The following GIGYF1 variants were observed in gnomAD, a reference collection of about 807,000 sequenced individuals.
The protein encoded by GIGYF1 is GRB10 interacting GYF protein 1.
A neutral mutation model predicts 147.1 loss-of-function variants in GIGYF1; 84 were observed. The ratio of observed to expected loss-of-function variants is 0.57; its 90% CI spans 0.48 to 0.68. The LOEUF is 0.68. GIGYF1 is among the 30% of genes least tolerant of loss of function. The pLI is 0.00. For missense variants in GIGYF1, 1,485 were observed against 1,393.7 expected, an observed-to-expected ratio of 1.07 and a Z score of -1.04; for synonymous variants, 752 against 589.5, an observed-to-expected ratio of 1.28 and a Z score of -3.99.
At chr7:100,686,514 C>T in intron 10 of GIGYF1, 81 bp from the exon 11 acceptor site, 1 of 1,522,062 alleles carries the variant, frequency 6.6e-7, no homozygotes, top group Non-Finnish European at 8.8e-7. Flanking sequence ...TCACGGAGCA[C>T]CTCCAGGGCT....
rs763839483 is a variant in GIGYF1, at chr7:100,683,105, C to T, written c.2319G>A (p.Thr773=). ...CGCCCTCCAGCTGCAACTCCAGGAG[C>T]GTCTTCATGGACAGCCCCTGCTTGG... is the stretch of plus-strand genomic sequence containing the variant. ...GLAKQGLSMK[T]LLELQLEGER... The change falls in exon 22 of 27, where the codon ACG becomes ACA. Residue 773 remains threonine (T), a synonymous_variant. Coordinates refer to ENST00000678049, the MANE Select transcript of GIGYF1 (RefSeq NM_001375765.1). 24 of 1,591,850 alleles carry T rather than the reference C, an allele frequency of 1.5e-5. No homozygotes were observed. The highest frequency in any genetic ancestry group is 2.3e-5 in the East Asian group (1 of 44,376).
chr7:100,685,291 C>G (rs1805211051), intron 13 of GIGYF1, 53 bp downstream of exon 13: 5 of 1,543,882 alleles, frequency 3.2e-6, no homozygotes, highest in African/African-American at 2.8e-5. Flanking sequence ...GTGGGGAGCA[C>G]TTTCTCCCAC....
chr7:100,684,904 CAGAAAA>C lies in GIGYF1; in HGVS notation c.1291-16_1291-11del. 6.2e-7 allele frequency: 1 copy of C among 1,605,254 alleles called. No individual in the cohort carries two copies. Among genetic ancestry groups the C allele is most frequent in the Non-Finnish European group, 8.5e-7 (1 of 1,175,508 alleles). ...CCAGCTTCTCCGCCTCCTGGATGCC[CAGAAAA>C]AGAAGAAAGGCTCAGCTGCCAATCT... On this transcript the variant is annotated splice_polypyrimidine_tract_variant and intron_variant, in intron 14 of 26. Transcript: ENST00000678049.
At position 100,687,626 on chromosome 7, in the gene GIGYF1, G is replaced by A. The variant is rs775889658; in HGVS notation, c.262-10C>T. 9 of 1,603,738 alleles carry A rather than the reference G, an allele frequency of 5.6e-6. No homozygotes were observed. The highest frequency in any genetic ancestry group is 2.2e-5 in the East Asian group (1 of 44,682). On this transcript the variant is annotated splice_polypyrimidine_tract_variant and intron_variant, in intron 6 of 26. Coordinates refer to ENST00000678049, the MANE Select transcript of GIGYF1 (RefSeq NM_001375765.1). ...ACAGGGAGAAGTTTCTCTGAGGAGG[G>A]AGCCAGGGGCGGGAGTGAGGACCCA...
In GIGYF1 at chr7:100,694,120, G is replaced by T. The variant is rs1160347027; in HGVS notation, c.-1109C>A. ...CCACTGGGCGCTTACCGCGGGCGGC[G>T]CGAGGGTCCGGTCCCGGGGCGTGGG... On this transcript the variant is annotated 5_prime_UTR_variant, in exon 1 of 27. Transcript: ENST00000678049. The T allele has an allele frequency of 2.7e-5, 4 of 146,280 alleles. No homozygotes were observed. The highest frequency in any genetic ancestry group is 9.9e-5 in the African/African-American group (4 of 40,608). The allele number at this position is 146,280 out of a possible 1,614,324, so 9.1% of individuals were successfully genotyped here.
Position 100,681,357 on chromosome 7 carries a change from T to TAAA in GIGYF1, c.*359_*361dup, listed in dbSNP as rs368356220. 2.0e-3 allele frequency: 277 copies of TAAA among 138,262 alleles called. No homozygotes were observed. The highest frequency in any genetic ancestry group is 4.6e-3 in the East Asian group (22 of 4,786). The allele number at this position is 138,262 out of a possible 1,614,324, so 8.6% of individuals were successfully genotyped here. A position where few individuals can be genotyped will look rare whatever the true frequency, so the allele number is the denominator to read the frequency against. ...TTTTTCATTTTTCATCTTTTTTTCT[T>TAAA]AAAAAAAAAAAAAAAACCAAAAAAC... On this transcript the variant is annotated 3_prime_UTR_variant, in exon 27 of 27. Transcript: ENST00000678049.
rs1805195655 is a variant in GIGYF1, at chr7:100,685,158, G to T, written c.1193-12C>A. ...CCCCCGAATATCATCTGGAAGGCAT[G>T]AGATAGGAGGTGGAAAGAAGGGCGG... On this transcript the variant is annotated splice_polypyrimidine_tract_variant and intron_variant, in intron 13 of 26. Coordinates refer to ENST00000678049, the MANE Select transcript of GIGYF1 (RefSeq NM_001375765.1). The T allele has an allele frequency of 1.3e-6, 2 of 1,570,350 alleles. No individual in the cohort carries two copies. The highest frequency in any genetic ancestry group is 1.4e-5 in the African/African-American group (1 of 73,922).
In GIGYF1 at chr7:100,683,312, G is replaced by A. The variant is rs1804976376; in HGVS notation, c.2185C>T (p.Arg729Cys). 1.9e-6 allele frequency: 3 copies of A among 1,613,826 alleles called. No homozygotes were observed. Among genetic ancestry groups the A allele is most frequent in the Non-Finnish European group, 2.5e-6 (3 of 1,180,024 alleles). The change falls in exon 21 of 27, where the codon CGC (arginine) becomes TGC (cysteine). Residue 729 changes from arginine (R) to cysteine (C), a missense_variant. By Grantham distance (180) the Arg-to-Cys change is radical. Coordinates refer to ENST00000678049, the MANE Select transcript of GIGYF1 (RefSeq NM_001375765.1). ...RRQEEEELFR[R>C]KHVRQQELLL... is the part of the protein sequence containing the mutation. ...GGCTTGGGAGCACCCACGTGCTTGC[G>A]CCGAAACAGCTCTTCCTCCTCCTGC...
rs1482997288 is a variant in GIGYF1, at chr7:100,680,234, G to A, written c.*1485C>T. 1 of 152,230 alleles carries A rather than the reference G, an allele frequency of 6.6e-6. No homozygotes were observed. The highest frequency in any genetic ancestry group is 1.5e-5 in the Non-Finnish European group (1 of 68,026). 9.4% of individuals were successfully genotyped at this position (152,230 alleles called of 1,614,324 possible). ...AACACCATCTTTCTGGGACTAGATG[G>A]GGAAAGAAACGGGCCACTCCCCATG... On this transcript the variant is annotated 3_prime_UTR_variant, in exon 27 of 27. Coordinates refer to ENST00000678049, the MANE Select transcript of GIGYF1 (RefSeq NM_001375765.1).
intron 2 of GIGYF1, 38 bp downstream of exon 2, chr7:100,688,554 G>T (rs905317717): frequency 1.0e-5 from 6 of 599,768 alleles, no homozygotes; most frequent in African/African-American, 7.3e-5. Flanking sequence ...GAGTCCTTTC[G>T]GCCTCAGCAG....
chr7:100,693,160 C>G (rs935452494), intron 1 of GIGYF1, among the ~76,000 whole-genome samples: 1 of 152,140 alleles, frequency 6.6e-6, no homozygotes, highest in African/African-American at 2.4e-5. Context: ...ATCCAGCTAA[C>G]AAGTCTTTAT....
rs112471086 is a variant in GIGYF1, at chr7:100,681,989, G to A, written c.2930C>T (p.Ala977Val). 1.2e-6 allele frequency: 2 copies of A among 1,609,136 alleles called. No individual in the cohort carries two copies. The highest frequency in any genetic ancestry group is 1.3e-5 in the African/African-American group (1 of 75,072). ...ASQQRQQQQE[A>V]WLSSASLQTA... is the part of the protein sequence containing the mutation. ...CTGCAGCGAGGCGCTGCTCAGCCAT[G>A]CCTCCTAAGGCAGCGGAGAGGAGGG... The change falls in exon 26 of 27, where the codon GCA (alanine) becomes GTA (valine). Residue 977 changes from alanine to valine, a missense_variant. Transcript: ENST00000678049.
rs768930931 is a variant in GIGYF1, at chr7:100,682,737, A to G, written c.2453T>C (p.Val818Ala). 6 of 1,556,212 alleles carry G rather than the reference A, an allele frequency of 3.9e-6. No individual in the cohort carries two copies. The highest frequency in any genetic ancestry group is 4.3e-6 in the Non-Finnish European group (5 of 1,152,648). The change falls in exon 23 of 27, where the codon GTG (valine) becomes GCG (alanine). Residue 818 changes from valine (V) to alanine (A), a missense_variant. Transcript: ENST00000678049. ...GCCCCACAGTGGCCCAGCCTCAGACACCCACTGGTTCAGGGGGGCAGTGCC... is the reference window on the plus strand; with the variant it reads ...GCCCCACAGTGGCCCAGCCTCAGACGCCCACTGGTTCAGGGGGGCAGTGCC... ...GLGTAPLNQW[V>A]SEAGPLWGGP...
At chr7:100,681,819 T>C (rs746754087) in intron 26 of GIGYF1, 45 bp downstream of exon 26, 10 of 1,606,162 alleles carry the variant, frequency 6.2e-6, no homozygotes, top group Non-Finnish European at 8.5e-6. Flanking sequence ...GGGCTCCTCC[T>C]GCCCTGTGCC....
chr7:100,689,842 A>G (rs1180899588), intron 1 of GIGYF1, among the ~76,000 whole-genome samples: 1 of 152,204 alleles, frequency 6.6e-6, no homozygotes, highest in East Asian at 1.9e-4. Flanking sequence ...GGACTGGATG[A>G]GCCTTGAGGA....
chr7:100,683,135 G>A lies in GIGYF1; in HGVS notation c.2289C>T (p.Gly763=), dbSNP rs541882700. The part of the protein sequence containing the change: ...APSSPPPLWA[G]LAKQGLSMKT... ...TCATGGACAGCCCCTGCTTGGCCAGGCCAGCCCAGAGTGGGGGCGGGGAGC... is the reference window on the plus strand; with the variant it reads ...TCATGGACAGCCCCTGCTTGGCCAGACCAGCCCAGAGTGGGGGCGGGGAGC... The change falls in exon 22 of 27, where the codon GGC becomes GGT. Residue 763 remains glycine (G), a synonymous_variant. Transcript: ENST00000678049. 254 of 1,596,200 alleles carry A rather than the reference G, an allele frequency of 1.6e-4. 3 individuals carry two copies. The South Asian group carries it at 2.5e-3, about 16-fold the overall frequency.
Position 100,683,087 on chromosome 7 carries a change from C to T in GIGYF1, c.2337G>A (p.Leu779=). 1 of 1,586,970 alleles carries T rather than the reference C, an allele frequency of 6.3e-7. No homozygotes were observed. The highest frequency in any genetic ancestry group is 8.5e-7 in the Non-Finnish European group (1 of 1,172,336). ...LSMKTLLELQ[L]EGERQLHKQP... is the part of the protein sequence containing the mutation. Reference sequence around the variant, plus strand: ...GTTTGTGCAGCTGCCGCTCGCCCTCCAGCTGCAACTCCAGGAGCGTCTTCA... The same window carrying T: ...GTTTGTGCAGCTGCCGCTCGCCCTCTAGCTGCAACTCCAGGAGCGTCTTCA... The change falls in exon 22 of 27, where the codon CTG becomes CTA. Residue 779 remains leucine, a synonymous_variant. Coordinates refer to ENST00000678049, the MANE Select transcript of GIGYF1 (RefSeq NM_001375765.1).
rs370112665 is a variant in GIGYF1 at position 100,681,725 on chromosome 7, G to T, written c.3102C>A (p.Asp1034Glu). The change falls in exon 27 of 27, where the codon GAC (aspartate) becomes GAA (glutamate). Residue 1034 changes from aspartate (D) to glutamate (E), a missense_variant. Asp to Glu is a conservative substitution (Grantham distance 45). Transcript: ENST00000678049. ...GGCTGGGGGTCCGGGCTGGTCAGTA[G>T]TCATCCACGCTCTCGATCTCACCAG... Reference protein sequence around the residue: ...GSSGEIESVDDY With the variant: ...GSSGEIESVDEY The T allele has an allele frequency of 6.4e-7, 1 of 1,569,840 alleles. No homozygotes were observed. The highest frequency in any genetic ancestry group is 1.4e-5 in the African/African-American group (1 of 73,946).
chr7:100,682,230 T>C lies in GIGYF1; in HGVS notation c.2767A>G (p.Met923Val), dbSNP rs1325092470. 7 of 1,611,908 alleles carry C rather than the reference T, an allele frequency of 4.3e-6. No individual in the cohort carries two copies. Among genetic ancestry groups the C allele is most frequent in the East Asian group, 4.5e-5 (2 of 44,874 alleles). ...ACCTCCTTGAGGATCGCTACAGCCA[T>C]GGGCACTGCAGGATGAGCGAAGGCT... ...LSATGSLDVP[M>V]AVAILKEVES... Residue 923 changes from methionine (M) to valine (V), a missense_variant, in exon 25 of 27, where the codon ATG (methionine) becomes GTG (valine). By Grantham distance (21) the Met-to-Val change is conservative. Coordinates refer to ENST00000678049, the MANE Select transcript of GIGYF1 (RefSeq NM_001375765.1).
Sources: allele counts gnomAD v4.1 joint callset (sites outside exome capture counted in the v4.1 genomes callset), GRCh38; gene constraint gnomAD v4.1.1; transcripts MANE v1.5; gene names NCBI Gene and HGNC (gene_info 2026-07-23, HGNC 2026-07-21).